The following MYH9 variants were observed in gnomAD, a reference collection of about 807,000 sequenced individuals.
The protein encoded by MYH9 is myosin heavy chain 9.
Under a neutral mutation model 241.9 loss-of-function variants are expected in MYH9, and 29 were observed. The ratio of observed to expected loss-of-function variants is 0.12; its 90% CI spans 0.09 to 0.16. MYH9 has a LOEUF of 0.16. Ranked by LOEUF, MYH9 falls within the 10% of genes least tolerant of loss-of-function variation. The pLI, the probability that MYH9 is intolerant of heterozygous loss-of-function variation, is 1.00. For synonymous variants in MYH9, 1,047 were observed against 1,062.6 expected (o/e 0.99, Z 0.29); for missense variants, 1,803 against 2,595.5 (o/e 0.69, Z 6.63).
At chr22:36,375,484 G>A (rs549264647) in intron 1 of MYH9, among the ~76,000 whole-genome samples, 1 of 152,308 alleles carries the variant, frequency 6.6e-6, no homozygotes, top group South Asian at 2.1e-4. Flanking sequence ...CGTTCTCTCT[G>A]CCCATTGAAT....
chr22:36,340,658 G>A lies in MYH9; in HGVS notation c.490+712C>T, dbSNP rs189386269. On this transcript the variant is annotated intron_variant, in intron 3 of 40. Transcript: ENST00000216181. ...AGCCTGGGTGACAGAACGAGATTCC[G>A]TCTCAAAAAAAAAAAAAAAGAAAGA... Among the ~76,000 whole-genome samples, 87 of 146,418 alleles carry A rather than the reference G, an allele frequency of 5.9e-4. 1 individual carries two copies. The highest frequency in any genetic ancestry group is 2.1e-3 in the African/African-American group (80 of 38,900).
In MYH9 at chr22:36,293,780, C is replaced by T; in HGVS notation, c.3921G>A (p.Glu1307=). 6.2e-7 allele frequency: 1 copy of T among 1,613,932 alleles called. No homozygotes were observed. The change falls in exon 29 of 41, where the codon GAG becomes GAA. Residue 1307 remains glutamate, a synonymous_variant. Coordinates refer to ENST00000216181, the MANE Select transcript of MYH9 (RefSeq NM_002473.6). The surrounding 1 kb of genome is among the most constrained non-coding windows in gnomAD (Gnocchi z 5.1). ...CTACCTGAGTGTCCTGCAGCTGGGA[C>T]TCCAGCGCGGAGAAGTCCTTGGTGA... The part of the protein sequence containing the change: ...SKLTKDFSAL[E]SQLQDTQELL...
chr22:36,329,304 C>A lies in MYH9; in HGVS notation c.491-1816G>T, dbSNP rs765742438. 6.6e-6 allele frequency among the ~76,000 whole-genome samples: 1 copy of A among 152,152 alleles called. No individual in the cohort carries two copies. Among genetic ancestry groups the A allele is most frequent in the Non-Finnish European group, 1.5e-5 (1 of 68,038 alleles). ...ACACGAGTCCTTCAAGCCTGCACAG[C>A]GAGGACAGAGATTAGAGACCTGCAT... On this transcript the variant is annotated intron_variant, in intron 3 of 40. Coordinates refer to ENST00000216181, the MANE Select transcript of MYH9 (RefSeq NM_002473.6). This position sits in a 1 kb window ranked among gnomAD's most constrained non-coding sequence, Gnocchi z 4.1.
At chr22:36,308,114 A>G (rs2146350352) in intron 15 of MYH9, among the ~76,000 whole-genome samples, 1 of 152,222 alleles carries the variant, frequency 6.6e-6, no homozygotes, top group Middle Eastern at 3.4e-3. Flanking sequence ...GAACACACAG[A>G]TGCCACTTCA....
intron 5 of MYH9, among the ~76,000 whole-genome samples, chr22:36,323,589 G>A (rs1304909700): frequency 1.3e-5 from 2 of 152,128 alleles, no homozygotes; most frequent in Non-Finnish European, 2.9e-5. Context: ...GAGCTCCCAG[G>A]AGAGCCATGG....
intron 1 of MYH9, among the ~76,000 whole-genome samples, chr22:36,350,160 T>A (rs1167605362): frequency 6.6e-6 from 1 of 152,172 alleles, no homozygotes; most frequent in Non-Finnish European, 1.5e-5. Context: ...GACACTAAGG[T>A]CAAAAGTGAC....
In MYH9 at chr22:36,284,421, G is replaced by C. The variant is rs991435881; in HGVS notation, c.5574C>G (p.Ala1858=). The C allele has an allele frequency of 6.2e-7, 1 of 1,612,788 alleles. No individual in the cohort carries two copies. The highest frequency in any genetic ancestry group is 2.2e-5 in the East Asian group (1 of 44,878). ...LLQVDDERRN[A]EQYKDQADKA... is the part of the protein sequence containing the mutation. ...CCCACACCTGGTCCTTGTACTGCTC[G>C]GCGTTCCTCCGCTCGTCATCCACCT... is the stretch of plus-strand genomic sequence containing the variant. Residue 1858 remains alanine (A), a synonymous_variant, in exon 39 of 41, where the codon GCC becomes GCG. Coordinates refer to ENST00000216181, the MANE Select transcript of MYH9 (RefSeq NM_002473.6).
In MYH9 at chr22:36,293,694, T is replaced by C. The variant is rs2146336847; in HGVS notation, c.3942+65A>G. The C allele has an allele frequency of 2.8e-6, 4 of 1,448,154 alleles. No homozygotes were observed. The highest frequency in any genetic ancestry group is 3.9e-6 in the Non-Finnish European group (4 of 1,038,086). The allele number at this position is 1,448,154 out of a possible 1,614,324, so 89.7% of individuals were successfully genotyped here. A position where few individuals can be genotyped will look rare whatever the true frequency, so the allele number is the denominator to read the frequency against. On this transcript the variant is annotated intron_variant, in intron 29 of 40. Coordinates refer to ENST00000216181, the MANE Select transcript of MYH9 (RefSeq NM_002473.6). This position sits in a 1 kb window ranked among gnomAD's most constrained non-coding sequence, Gnocchi z 5.1. ...GCAATCCGATGGGCTCTGAAGCTAA[T>C]GTTGCGTGGACACAGAGGCCTTTCT...
chr22:36,281,318 A>G lies in MYH9; in HGVS notation c.*1350T>C, dbSNP rs965657605. The G allele has an allele frequency of 1.4e-5, 3 of 209,648 alleles. No homozygotes were observed. The highest frequency in any genetic ancestry group is 6.8e-5 in the African/African-American group (3 of 43,984). 13.0% of individuals were successfully genotyped at this position (209,648 alleles called of 1,614,324 possible). A position where few individuals can be genotyped will look rare whatever the true frequency, so the allele number is the denominator to read the frequency against. On this transcript the variant is annotated 3_prime_UTR_variant, in exon 41 of 41. Transcript: ENST00000216181. ...TCTTTATTGTGATGCTCAGTGGAAA[A>G]CATCTGTAAACCAGCTTACTGTAGT...
At chr22:36,283,329 G>T (rs1297169749) in intron 40 of MYH9, among the ~76,000 whole-genome samples, 1 of 152,050 alleles carries the variant, frequency 6.6e-6, no homozygotes, top group Non-Finnish European at 1.5e-5. Flanking sequence ...CTGAGGTCAG[G>T]AGTTTGAGAC....
At chr22:36,331,158 C>A (rs544708154) in intron 3 of MYH9, among the ~76,000 whole-genome samples, 1 of 152,050 alleles carries the variant, frequency 6.6e-6, no homozygotes, top group Non-Finnish European at 1.5e-5. Flanking sequence ...TTCCGCTCTT[C>A]CCCACGCAAT....
intron 1 of MYH9, among the ~76,000 whole-genome samples, chr22:36,354,425 T>C (rs2017819019): frequency 6.7e-6 from 1 of 149,968 alleles, no homozygotes; most frequent in Non-Finnish European, 1.5e-5. Context: ...TAAGGTTTTT[T>C]TACCCTCTTA....
At chr22:36,367,349 G>A (rs2018026260) in intron 1 of MYH9, among the ~76,000 whole-genome samples, 1 of 152,102 alleles carries the variant, frequency 6.6e-6, no homozygotes, top group South Asian at 2.1e-4. Context: ...AAACTGAAGG[G>A]TGAACGGTCT....
rs184344838 is a variant in MYH9, at chr22:36,333,931, T to C, written c.491-6443A>G. Among the ~76,000 whole-genome samples, 5 of 152,212 alleles carry C rather than the reference T, an allele frequency of 3.3e-5. No homozygotes were observed. In the East Asian group the frequency reaches 9.7e-4, roughly 29 times the overall value. On this transcript the variant is annotated intron_variant, in intron 3 of 40. Coordinates refer to ENST00000216181, the MANE Select transcript of MYH9 (RefSeq NM_002473.6). ...AGGGATTTGATGTGAGTTTTTGTTG[T>C]TGGTTTATTTCAGGGGATGGGGAGC...
Position 36,293,763 on chromosome 22 carries a change from G to A in MYH9, c.3938C>T (p.Thr1313Ile), listed in dbSNP as rs1025888183. ...GGAACCTGGCGCCACCCCTACCTGAGTGTCCTGCAGCTGGGACTCCAGCGC... is the reference window on the plus strand; with the variant it reads ...GGAACCTGGCGCCACCCCTACCTGAATGTCCTGCAGCTGGGACTCCAGCGC... ...FSALESQLQD[T>I]QELLQEENRQ... is the part of the protein sequence containing the mutation. Residue 1313 changes from threonine (T) to isoleucine (I), a missense_variant, in exon 29 of 41, where the codon ACT becomes ATT. Thr to Ile is a moderately conservative substitution (Grantham distance 89). Transcript: ENST00000216181. This position sits in a 1 kb window ranked among gnomAD's most constrained non-coding sequence, Gnocchi z 5.1. 2 of 1,613,600 alleles carry A rather than the reference G, an allele frequency of 1.2e-6. No homozygotes were observed. The highest frequency in any genetic ancestry group is 1.7e-6 in the Non-Finnish European group (2 of 1,179,942).
intron 2 of MYH9, among the ~76,000 whole-genome samples, chr22:36,345,886 C>T (rs150468608): frequency 0.013 from 2,031 of 152,268 alleles, 22 homozygotes; most frequent in Non-Finnish European, 0.02. Context: ...TGGTGGCTCA[C>T]GCCTGTAATC....
Position 36,304,042 on chromosome 22 carries a change from G to A in MYH9, c.2343C>T (p.Asp781=), listed in dbSNP as rs143290101. The change falls in exon 19 of 41, where the codon GAC becomes GAT. Residue 781 remains aspartate, a synonymous_variant. Transcript: ENST00000216181. ...LEEERDLKIT[D]VIIGFQACCR... is the part of the protein sequence containing the mutation. ...AGCAGGCCTGGAACCCTATGATGAC[G>A]TCGGTGATCTTCAGGTCTCGCTCCT... 1.8e-5 allele frequency: 29 copies of A among 1,613,824 alleles called. No homozygotes were observed. Among genetic ancestry groups the A allele is most frequent in the Admixed American group, 6.7e-5 (4 of 60,022 alleles).
intron 31 of MYH9, among the ~76,000 whole-genome samples, chr22:36,291,044 C>T (rs377179293): frequency 5.3e-5 from 8 of 150,572 alleles, no homozygotes; most frequent in Admixed American, 3.9e-4. Context: ...CCACCCCATC[C>T]GGGAGGGAGG....
chr22:36,337,166 C>A (rs540136163), intron 3 of MYH9, among the ~76,000 whole-genome samples: 1 of 152,132 alleles, frequency 6.6e-6, no homozygotes, highest in African/African-American at 2.4e-5. Context: ...TTGCCCCCCA[C>A]GGAAACTTGA....
Sources: gnomAD v4.1 joint callset for allele counts (sites outside exome capture counted in the v4.1 genomes callset) on GRCh38, gnomAD v4.1.1 for gene constraint, Gnocchi (gnomAD v3.1) non-coding constraint, MANE v1.5 for transcripts, NCBI Gene and HGNC (gene_info 2026-07-23, HGNC 2026-07-21) for gene names.